FUT8: variants seen among roughly 807,000 people sequenced by gnomAD.
The protein encoded by FUT8 is fucosyltransferase 8, also known as alpha-(1,6)-fucosyltransferase.
Under a neutral mutation model 71.3 loss-of-function variants are expected in FUT8, and 29 were observed. The observed-to-expected ratio is 0.41, with a 90% confidence interval of 0.30 to 0.55. The LOEUF is 0.55. Ranked by LOEUF, FUT8 falls within the 20% of genes least tolerant of loss-of-function variation. FUT8 has a pLI of 0.34. For missense variants in FUT8, 544 were observed against 702.1 expected (o/e 0.77, Z 2.55); for synonymous variants, 254 against 239.3 (o/e 1.06, Z -0.57).
rs949924920 is a variant in FUT8 at position 65,483,199 on chromosome 14, G to A, written c.-228+27481G>A. Among the ~76,000 whole-genome samples the A allele has an allele frequency of 2.6e-5, 4 of 152,192 alleles. No individual in the cohort carries two copies. The highest frequency in any genetic ancestry group is 5.9e-5 in the Non-Finnish European group (4 of 68,040). ...GGTGCAGCACTACAGCAACTTCCGT[G>A]CTATTCAGTGAGAGGACTGTGTTCT... On this transcript the variant is annotated intron_variant, in intron 2 of 10. Coordinates refer to ENST00000673929, the MANE Select transcript of FUT8 (RefSeq NM_001371533.1). The surrounding 1 kb of genome is among the most constrained non-coding windows in gnomAD (Gnocchi z 4.4).
chr14:65,606,377 C>T (rs1471140968), intron 3 of FUT8, among the ~76,000 whole-genome samples: 1 of 151,454 alleles, frequency 6.6e-6, no homozygotes, highest in African/African-American at 2.4e-5. Flanking sequence ...GTGCCCTGCC[C>T]AAAAATTTTT....
chr14:65,689,631 C>T (rs756068499), intron 7 of FUT8, among the ~76,000 whole-genome samples: 21 of 152,078 alleles, frequency 1.4e-4, no homozygotes, highest in African/African-American at 4.3e-4. Context: ...CTCTGCCTCC[C>T]GGGTTCAAGC....
chr14:65,699,145 T>TACACACACACACACACAC (rs60092488), intron 7 of FUT8, among the ~76,000 whole-genome samples: 6 of 132,130 alleles, frequency 4.5e-5, no homozygotes, highest in East Asian at 2.3e-4. Context: ...CCCTCCCTTC[T>TACACACACACACACACAC]ACACACACAC....
chr14:65,557,118 G>A (rs1258662492), intron 2 of FUT8, among the ~76,000 whole-genome samples: 3 of 152,102 alleles, frequency 2.0e-5, no homozygotes, highest in Non-Finnish European at 4.4e-5. Flanking sequence ...ACTCTATTAA[G>A]TCTCCTTATC....
chr14:65,592,014 G>C (rs1825030784), intron 3 of FUT8, among the ~76,000 whole-genome samples: 1 of 151,902 alleles, frequency 6.6e-6, no homozygotes, highest in Non-Finnish European at 1.5e-5. Flanking sequence ...ATAAACAAAA[G>C]GACATTGCTT....
intron 2 of FUT8, among the ~76,000 whole-genome samples, chr14:65,556,870 C>T (rs1314584902): frequency 6.6e-6 from 1 of 152,174 alleles, no homozygotes; most frequent in East Asian, 1.9e-4. Context: ...CCAGTATTCT[C>T]TGGGAGAGGT....
Position 65,423,051 on chromosome 14 carries a change from T to C in FUT8, c.-326+9837T>C, listed in dbSNP as rs2065324105. 3.4e-5 allele frequency among the ~76,000 whole-genome samples: 5 copies of C among 149,220 alleles called. No homozygotes were observed. The South Asian group carries it at 1.1e-3, about 32-fold the overall frequency. ...CCCAGGCTGGAGTGCAGTGGCGCGA[T>C]CTCGGCTCACTGCAACCTCCGCCTT... is the stretch of plus-strand genomic sequence containing the variant. On this transcript the variant is annotated intron_variant, in intron 1 of 10. Coordinates refer to ENST00000673929, the MANE Select transcript of FUT8 (RefSeq NM_001371533.1).
intron 6 of FUT8, among the ~76,000 whole-genome samples, chr14:65,641,753 G>GTT (rs34026328): frequency 1.4e-5 from 2 of 140,560 alleles, no homozygotes; most frequent in African/African-American, 5.2e-5. Context: ...TGTGTATGTG[G>GTT]TTTTTTTTTT....
At chr14:65,384,539 C>T in the FUT8 span, among the ~76,000 whole-genome samples, 3 of 152,192 alleles carry the variant, frequency 2.0e-5, no homozygotes, top group Non-Finnish European at 4.4e-5. This position sits in a 1 kb window ranked among gnomAD's most constrained non-coding sequence, Gnocchi z 4.2. Flanking sequence ...CTCTATGTTA[C>T]TTTAGCTGTT....
At chr14:65,572,351 T>A (rs1275288841) in intron 3 of FUT8, among the ~76,000 whole-genome samples, 2 of 152,200 alleles carry the variant, frequency 1.3e-5, no homozygotes, top group Non-Finnish European at 2.9e-5. Context: ...TATGAACTCA[T>A]TTAATCCCTA....
chr14:65,617,122 A>G, intron 5 of FUT8: 1 of 1,597,950 alleles, frequency 6.3e-7, no homozygotes. Flanking sequence ...TCATTAGTGA[A>G]CAATAAAAGA....
chr14:65,492,258 G>T (rs72714459), intron 2 of FUT8, among the ~76,000 whole-genome samples: 2 of 152,110 alleles, frequency 1.3e-5, no homozygotes, highest in Non-Finnish European at 2.9e-5. Flanking sequence ...AAGTTTAGCC[G>T]AAAGCTGCCT....
At chr14:65,565,432 C>T (rs1316336159) in intron 3 of FUT8, among the ~76,000 whole-genome samples, 1 of 151,336 alleles carries the variant, frequency 6.6e-6, no homozygotes, top group East Asian at 1.9e-4. Context: ...AGGTTATTTC[C>T]ATTTTGGGGC....
chr14:65,734,396 T>C (rs1045369859), intron 10 of FUT8, among the ~76,000 whole-genome samples: 6 of 152,168 alleles, frequency 3.9e-5, no homozygotes, highest in Non-Finnish European at 8.8e-5. Flanking sequence ...GATGGCGATA[T>C]GATTTTTGGA....
At position 65,710,162 on chromosome 14, in the gene FUT8, T is replaced by A. The variant is rs577884214; in HGVS notation, c.836-11613T>A. 5.9e-5 allele frequency among the ~76,000 whole-genome samples: 9 copies of A among 152,324 alleles called. No homozygotes were observed. The South Asian group carries it at 1.9e-3, about 32-fold the overall frequency. ...CATATAGAATTTAATAACATGTTTT[T>A]TTCAGTGAATTTATATTTATGGTTA... is the stretch of plus-strand genomic sequence containing the variant. On this transcript the variant is annotated intron_variant, in intron 7 of 10. Coordinates refer to ENST00000673929, the MANE Select transcript of FUT8 (RefSeq NM_001371533.1).
rs117173765 is a variant in FUT8, at chr14:65,588,406, T to A, written c.203+26640T>A. Among the ~76,000 whole-genome samples the A allele has an allele frequency of 8.3e-4, 126 of 152,346 alleles. 2 individuals carry two copies. The East Asian group carries it at 0.023, about 27-fold the overall frequency. On this transcript the variant is annotated intron_variant, in intron 3 of 10. Transcript: ENST00000673929. ...AGGCATTATTTATCTCTTCTTGCTA[T>A]GGTCTAAACTCTCATACCAAATTAT...
At chr14:65,468,383 G>A in intron 2 of FUT8, 1 of 424,888 alleles carries the variant, frequency 2.4e-6, no homozygotes, top group East Asian at 5.9e-5. Flanking sequence ...CCGGCCGAAA[G>A]GTTGGATTTT....
At chr14:65,394,470 T>C in the FUT8 span, among the ~76,000 whole-genome samples, 1 of 152,294 alleles carries the variant, frequency 6.6e-6, no homozygotes, top group South Asian at 2.1e-4. Context: ...CCAAATCTCA[T>C]GTCCTCCTAT....
At chr14:65,404,141 C>T in the FUT8 span, among the ~76,000 whole-genome samples, 1 of 151,666 alleles carries the variant, frequency 6.6e-6, no homozygotes, top group Admixed American at 6.6e-5. Context: ...GCTGGGATTA[C>T]AGGTGTGAGC....
Sources: gnomAD v4.1 joint callset for allele counts (sites outside exome capture counted in the v4.1 genomes callset) on GRCh38, gnomAD v4.1.1 for gene constraint, Gnocchi (gnomAD v3.1) non-coding constraint, MANE v1.5 for transcripts, NCBI Gene and HGNC (gene_info 2026-07-23, HGNC 2026-07-21) for gene names.